Variants in ZNF804A observed in about 807,000 individuals in gnomAD.
ZNF804A encodes the protein zinc finger protein 804A.
ZNF804A carries 2 observed loss-of-function variants against 16.5 expected under a neutral mutation model. The ratio of observed to expected loss-of-function variants is 0.12; its 90% CI spans 0.05 to 0.38. ZNF804A has a LOEUF of 0.38. Ranked by LOEUF, ZNF804A falls within the 10% of genes least tolerant of loss-of-function variation. The pLI is 0.99. For missense variants in ZNF804A, 1,473 were observed against 1,390.7 expected, an observed-to-expected ratio of 1.06 and a Z score of -0.94; for synonymous variants, 534 against 489.6, an observed-to-expected ratio of 1.09 and a Z score of -1.20.
At chr2:184,897,658 T>A (rs993203113) in intron 2 of ZNF804A, among the ~76,000 whole-genome samples, 3 of 152,140 alleles carry the variant, frequency 2.0e-5, no homozygotes, top group Non-Finnish European at 4.4e-5. Flanking sequence ...TTAATTTATA[T>A]TAGCATAGAC....
At chr2:184,669,978 A>G (rs1692317984) in intron 1 of ZNF804A, among the ~76,000 whole-genome samples, 1 of 152,102 alleles carries the variant, frequency 6.6e-6, no homozygotes, top group African/African-American at 2.4e-5. Context: ...CTTTTAAACT[A>G]TACTAATGTT....
chr2:184,819,983 G>A (rs974373472), intron 1 of ZNF804A, among the ~76,000 whole-genome samples: 3 of 151,704 alleles, frequency 2.0e-5, no homozygotes, highest in Non-Finnish European at 4.4e-5. Flanking sequence ...AAATTTTACC[G>A]GGGGTACAAA....
At chr2:184,611,153 T>G (rs1691231646) in intron 1 of ZNF804A, among the ~76,000 whole-genome samples, 1 of 152,146 alleles carries the variant, frequency 6.6e-6, no homozygotes, top group Admixed American at 6.6e-5. Flanking sequence ...GCAAAAGAAC[T>G]CTCTAGCCCT....
chr2:184,784,161 A>G (rs192040493), intron 1 of ZNF804A, among the ~76,000 whole-genome samples: 18 of 152,028 alleles, frequency 1.2e-4, no homozygotes, highest in Non-Finnish European at 2.4e-4. Context: ...GTGGGGCTCA[A>G]TACAACTTTG....
At chr2:184,639,732 G>A (rs1016321363) in intron 1 of ZNF804A, among the ~76,000 whole-genome samples, 2 of 152,074 alleles carry the variant, frequency 1.3e-5, no homozygotes, top group African/African-American at 4.8e-5. Flanking sequence ...GCCGGGCGCG[G>A]TGGCTCAAGC....
At chr2:184,747,321 C>CAAAA (rs397986917) in intron 1 of ZNF804A, among the ~76,000 whole-genome samples, 117 of 77,902 alleles carry the variant, frequency 1.5e-3, no homozygotes, top group African/African-American at 2.9e-3. Context: ...AATCTTGCTG[C>CAAAA]AAAAAAAAAA....
intron 2 of ZNF804A, among the ~76,000 whole-genome samples, chr2:184,882,106 G>T (rs1021256470): frequency 6.6e-6 from 1 of 151,858 alleles, no homozygotes; most frequent in Non-Finnish European, 1.5e-5. Flanking sequence ...AATGTACCAA[G>T]CAAAGAGAAA....
At chr2:184,869,170 C>A (rs999255493) in intron 2 of ZNF804A, among the ~76,000 whole-genome samples, 2 of 151,858 alleles carry the variant, frequency 1.3e-5, no homozygotes, top group African/African-American at 4.8e-5. Flanking sequence ...AATACTGGTT[C>A]CAGCATTTCA....
At chr2:184,831,098 G>T (rs1012497494) in intron 1 of ZNF804A, among the ~76,000 whole-genome samples, 1 of 151,946 alleles carries the variant, frequency 6.6e-6, no homozygotes, top group Non-Finnish European at 1.5e-5. Flanking sequence ...AGAATAAAAA[G>T]GCATATTTTC....
At chr2:184,731,251 C>CAAAAAAAAAAAAAAAA (rs563068533) in intron 1 of ZNF804A, among the ~76,000 whole-genome samples, 5 of 45,316 alleles carry the variant, frequency 1.1e-4, no homozygotes, top group Non-Finnish European at 1.1e-4. Context: ...GGCTCCGTCG[C>CAAAAAAAAAAAAAAAA]AAAAAAAAAA....
intron 1 of ZNF804A, among the ~76,000 whole-genome samples, chr2:184,769,273 A>G (rs1289905083): frequency 6.6e-6 from 1 of 152,086 alleles, no homozygotes; most frequent in Non-Finnish European, 1.5e-5. Flanking sequence ...TGCAAAATGT[A>G]AGTTCTGGCA....
intron 1 of ZNF804A, among the ~76,000 whole-genome samples, chr2:184,677,165 A>G (rs1692452514): frequency 6.6e-6 from 1 of 152,012 alleles, no homozygotes; most frequent in East Asian, 1.9e-4. Context: ...CTTAAACTGT[A>G]TAGGATTTAT....
chr2:184,747,501 A>C (rs1276575415), intron 1 of ZNF804A, among the ~76,000 whole-genome samples: 2 of 151,076 alleles, frequency 1.3e-5, no homozygotes, highest in African/African-American at 2.4e-5. Flanking sequence ...AAATAAATTG[A>C]TCACACCGTT....
chr2:184,876,699 G>A (rs1466226800), intron 2 of ZNF804A, among the ~76,000 whole-genome samples: 1 of 152,132 alleles, frequency 6.6e-6, no homozygotes, highest in Non-Finnish European at 1.5e-5. Flanking sequence ...TCTAGCATCT[G>A]AAATGTTGCC....
intron 2 of ZNF804A, among the ~76,000 whole-genome samples, chr2:184,915,485 C>G (rs1378729358): frequency 6.6e-6 from 1 of 151,982 alleles, no homozygotes. Context: ...CTGTACTATC[C>G]AATGTTTTCT....
chr2:184,938,932 C>T lies in ZNF804A; in HGVS notation c.3536C>T (p.Pro1179Leu). 1 of 1,613,960 alleles carries T rather than the reference C, an allele frequency of 6.2e-7. No individual in the cohort carries two copies. The highest frequency in any genetic ancestry group is 8.5e-7 in the Non-Finnish European group (1 of 1,179,966). The stretch of plus-strand genomic sequence containing the variant: ...ATCATTCCAGCTTCCGTTCTTCATC[C>T]TAGCCATCTGGCTTTCCCATCTTTA... The part of the protein sequence containing the change: ...MPIIPASVLH[P>L]SHLAFPSLPH... Residue 1179 changes from proline (P) to leucine (L), a missense_variant, in exon 4 of 4, where the codon CCT becomes CTT. Physicochemically the swap from Pro to Leu is moderately conservative, Grantham distance 98. Coordinates refer to ENST00000302277, the MANE Select transcript of ZNF804A (RefSeq NM_194250.2).
chr2:184,849,344 T>G (rs1695567857), intron 1 of ZNF804A, among the ~76,000 whole-genome samples: 1 of 151,876 alleles, frequency 6.6e-6, no homozygotes, highest in Non-Finnish European at 1.5e-5. Flanking sequence ...GTCAGAAAGG[T>G]GACAAAAGCA....
chr2:184,683,304 A>G (rs937332981), intron 1 of ZNF804A, among the ~76,000 whole-genome samples: 1 of 151,984 alleles, frequency 6.6e-6, no homozygotes, highest in Non-Finnish European at 1.5e-5. Context: ...TTTTTTCTGT[A>G]GGTTTCAAGT....
chr2:184,604,424 C>T (rs951170132), intron 1 of ZNF804A, among the ~76,000 whole-genome samples: 1 of 151,966 alleles, frequency 6.6e-6, no homozygotes, highest in African/African-American at 2.4e-5. Context: ...CCGCCAGCCT[C>T]AGCCTCCCAA....
Sources: gnomAD v4.1 joint callset for allele counts (sites outside exome capture counted in the v4.1 genomes callset) on GRCh38, gnomAD v4.1.1 for gene constraint, MANE v1.5 for transcripts, NCBI Gene and HGNC (gene_info 2026-07-23, HGNC 2026-07-21) for gene names.